Variants in GRID1 observed in about 807,000 individuals in gnomAD.
GRID1 encodes glutamate receptor ionotropic, delta-1.
Under a neutral mutation model 98.0 loss-of-function variants are expected in GRID1, and 28 were observed. The observed-to-expected ratio is 0.29, with a 90% CI of 0.21 to 0.39. The LOEUF (loss-of-function observed/expected upper bound fraction) is 0.39, where lower values mean the gene tolerates loss of function less well. Ranked by LOEUF, GRID1 falls within the 10% of genes least tolerant of loss-of-function variation. GRID1 has a pLI of 1.00. For synonymous variants in GRID1, 553 were observed against 538.5 expected (o/e 1.03, Z -0.37); for missense variants, 1,111 against 1,340.5 (o/e 0.83, Z 2.67).
chr10:86,242,727 T>A (rs1488715196), intron 2 of GRID1, among the ~76,000 whole-genome samples: 1 of 152,106 alleles, frequency 6.6e-6, no homozygotes, highest in Non-Finnish European at 1.5e-5. Flanking sequence ...CACACCCTAC[T>A]CCCAAGAATC....
intron 13 of GRID1, among the ~76,000 whole-genome samples, chr10:85,632,539 G>A (rs1379138794): frequency 2.0e-5 from 3 of 151,522 alleles, no homozygotes; most frequent in East Asian, 2.0e-4. Flanking sequence ...CCCACCCTTT[G>A]AGAACTACAC....
Position 86,197,860 on chromosome 10 carries a change from G to A in GRID1, c.520+8504C>T, listed in dbSNP as rs745434661. Among the ~76,000 whole-genome samples the A allele has an allele frequency of 8.3e-4, 126 of 152,136 alleles. 1 individual carries two copies. The highest frequency in any genetic ancestry group is 1.4e-3 in the Non-Finnish European group (94 of 67,948). ...AGTACAGTTACTTTGTAATTAGATC[G>A]AAGAACAAAACCCAAAACACTCATC... is the stretch of plus-strand genomic sequence containing the variant. On this transcript the variant is annotated intron_variant, in intron 3 of 15. Coordinates refer to ENST00000327946, the MANE Select transcript of GRID1 (RefSeq NM_017551.3).
intron 2 of GRID1, among the ~76,000 whole-genome samples, chr10:86,228,471 C>T (rs974463965): frequency 2.6e-5 from 4 of 152,118 alleles, no homozygotes; most frequent in Non-Finnish European, 4.4e-5. Context: ...AATAGCTTTG[C>T]GCAGCCTGCA....
chr10:85,902,576 C>A (rs1328997159), intron 5 of GRID1, among the ~76,000 whole-genome samples: 1 of 152,140 alleles, frequency 6.6e-6, no homozygotes, highest in Non-Finnish European at 1.5e-5. Flanking sequence ...TGCTGGGATT[C>A]CATAACTTAT....
chr10:86,196,347 G>A (rs878949294), intron 3 of GRID1, among the ~76,000 whole-genome samples: 2 of 151,984 alleles, frequency 1.3e-5, no homozygotes, highest in African/African-American at 2.4e-5. Flanking sequence ...TGGGTACTGC[G>A]GAGGAGTAAG....
chr10:85,873,506 C>T (rs992541223), intron 5 of GRID1, among the ~76,000 whole-genome samples: 1 of 152,146 alleles, frequency 6.6e-6, no homozygotes, highest in African/African-American at 2.4e-5. Context: ...ACATTACATA[C>T]ATTAAATATG....
rs1303829141 is a variant in GRID1 at position 85,897,479 on chromosome 10, C to T, written c.780+18707G>A. Among the ~76,000 whole-genome samples the T allele has an allele frequency of 2.6e-5, 4 of 152,150 alleles. No individual in the cohort carries two copies. In the South Asian group the frequency reaches 6.2e-4, roughly 24 times the overall value. On this transcript the variant is annotated intron_variant, in intron 5 of 15. Coordinates refer to ENST00000327946, the MANE Select transcript of GRID1 (RefSeq NM_017551.3). ...GATTAACCCATCCCCAATACACTGG[C>T]CCCTCAGGAAGGCTTGGCCATAGGC... is the stretch of plus-strand genomic sequence containing the variant.
intron 2 of GRID1, among the ~76,000 whole-genome samples, chr10:86,230,927 C>A (rs1041280921): frequency 6.6e-6 from 1 of 152,304 alleles, no homozygotes; most frequent in Non-Finnish European, 1.5e-5. Flanking sequence ...CTGTGCCCGG[C>A]GGTGTGGGCA....
intron 8 of GRID1, among the ~76,000 whole-genome samples, chr10:85,763,012 C>G (rs1462223534): frequency 6.6e-6 from 1 of 152,190 alleles, no homozygotes. Flanking sequence ...CAGAGCACAG[C>G]ATCCAGGGAT....
At chr10:86,250,726 G>T (rs761033268) in intron 2 of GRID1, among the ~76,000 whole-genome samples, 5 of 151,854 alleles carry the variant, frequency 3.3e-5, no homozygotes, top group Non-Finnish European at 1.5e-5. Context: ...TCTGGGAGGT[G>T]GGGGGCGCCT....
chr10:85,682,768 G>C (rs991974148), intron 12 of GRID1, among the ~76,000 whole-genome samples: 2 of 152,210 alleles, frequency 1.3e-5, no homozygotes, highest in Non-Finnish European at 2.9e-5. Flanking sequence ...CAGCAACACA[G>C]CCTTGGGCAG....
chr10:86,298,549 A>G (rs760971524), intron 2 of GRID1, among the ~76,000 whole-genome samples: 44 of 152,184 alleles, frequency 2.9e-4, no homozygotes, highest in Non-Finnish European at 5.7e-4. Flanking sequence ...GTGAGGACTC[A>G]CCCAGGCCTG....
At chr10:85,689,896 G>T (rs1841313406) in intron 12 of GRID1, among the ~76,000 whole-genome samples, 1 of 152,142 alleles carries the variant, frequency 6.6e-6, no homozygotes, top group Admixed American at 6.5e-5. Context: ...AGAAATGTAG[G>T]AGTTTAGAAA....
intron 8 of GRID1, among the ~76,000 whole-genome samples, chr10:85,756,073 C>T (rs909815424): frequency 2.0e-5 from 3 of 150,934 alleles, no homozygotes; most frequent in African/African-American, 7.4e-5. Flanking sequence ...TGTTCCAATA[C>T]CCCCCCTAGT....
chr10:86,272,853 G>C (rs2132062496), intron 2 of GRID1, among the ~76,000 whole-genome samples: 1 of 152,182 alleles, frequency 6.6e-6, no homozygotes, highest in East Asian at 1.9e-4. Context: ...GAAATAAGAA[G>C]ACCCTAAGCT....
At chr10:86,339,102 C>CTCAG (rs1220333437) in intron 2 of GRID1, among the ~76,000 whole-genome samples, 2 of 152,154 alleles carry the variant, frequency 1.3e-5, no homozygotes, top group Non-Finnish European at 2.9e-5. Context: ...CCATGTCCAC[C>CTCAG]CTGAACCCCA....
intron 8 of GRID1, among the ~76,000 whole-genome samples, chr10:85,769,795 C>G (rs1362761013): frequency 1.3e-5 from 2 of 152,238 alleles, no homozygotes. Context: ...ATTGCCCAGG[C>G]TTGCTTAGGT....
chr10:86,189,400 C>A (rs553150078), intron 3 of GRID1, among the ~76,000 whole-genome samples: 1 of 152,088 alleles, frequency 6.6e-6, no homozygotes, highest in Admixed American at 6.5e-5. Flanking sequence ...CTGCTACCAC[C>A]CCCAGTAAGC....
At position 85,724,571 on chromosome 10, in the gene GRID1, T is replaced by C. The variant is rs754680308; in HGVS notation, c.1639A>G (p.Lys547Glu). ...AAGATGCTGATTTTCTCCTCGGGCT[T>C]CTTAATTAGAATCCCCACTGAATAG... ...MDYSVGILIK[K>E]PEEKISIFSL... Residue 547 changes from lysine (K) to glutamate (E), a missense_variant, in exon 11 of 16, where the codon AAG (lysine) becomes GAG (glutamate). Physicochemically the swap from Lys to Glu is moderately conservative, Grantham distance 56. Around this residue, in one of 3 missense-constraint regions of GRID1, gnomAD observed 762 missense variants for 869.1 expected, o/e 0.88. Coordinates refer to ENST00000327946, the MANE Select transcript of GRID1 (RefSeq NM_017551.3). 15 of 1,613,564 alleles carry C rather than the reference T, an allele frequency of 9.3e-6. No individual in the cohort carries two copies. Among genetic ancestry groups the C allele is most frequent in the Non-Finnish European group, 1.1e-5 (13 of 1,179,992 alleles).
Sources: allele counts gnomAD v4.1 joint callset (sites outside exome capture counted in the v4.1 genomes callset), GRCh38; gene constraint gnomAD v4.1.1; regional missense constraint gnomAD v4.1.1; transcripts MANE v1.5; gene names NCBI Gene and HGNC (gene_info 2026-07-23, HGNC 2026-07-21).